The following NUP54 variants were observed in gnomAD, a reference collection of about 807,000 sequenced individuals.
The protein encoded by NUP54 is nucleoporin 54.
NUP54 carries 27 observed loss-of-function variants against 66.4 expected under a neutral mutation model. The observed-to-expected ratio is 0.41, with a 90% CI of 0.30 to 0.56. The LOEUF (loss-of-function observed/expected upper bound fraction) is 0.56, where lower values mean the gene tolerates loss of function less well. NUP54 is among the 20% of genes least tolerant of loss of function. The pLI, the probability that NUP54 is intolerant of heterozygous loss-of-function variation, is 0.34. For synonymous variants in NUP54, 206 were observed against 210.7 expected (o/e 0.98, Z 0.19); for missense variants, 486 against 596.3 (o/e 0.82, Z 1.93).
chr4:76,121,711 A>C (rs1279392049), intron 9 of NUP54, among the ~76,000 whole-genome samples: 1 of 152,218 alleles, frequency 6.6e-6, no homozygotes, highest in Non-Finnish European at 1.5e-5. Flanking sequence ...AATATAGTTT[A>C]TCTATTTGTA....
chr4:76,139,043 G>GA (rs555606795), intron 3 of NUP54, among the ~76,000 whole-genome samples: 4 of 151,728 alleles, frequency 2.6e-5, no homozygotes, highest in African/African-American at 4.8e-5. Flanking sequence ...CCATTAAAAA[G>GA]AAAAAAAATT....
chr4:76,129,436 G>C (rs889941377), intron 8 of NUP54, among the ~76,000 whole-genome samples: 4 of 152,086 alleles, frequency 2.6e-5, no homozygotes, highest in African/African-American at 9.7e-5. Flanking sequence ...TCTCAAACTA[G>C]CAGACAGAAA....
intron 11 of NUP54, among the ~76,000 whole-genome samples, 174 bp downstream of exon 11, chr4:76,117,490 C>T (rs11944608): frequency 0.19 from 28,255 of 152,066 alleles, 2,700 homozygotes; most frequent in East Asian, 0.36. Context: ...TTTGAGTAAA[C>T]ACTACACTGT....
chr4:76,146,197 T>C (rs1325502262), intron 1 of NUP54: 2 of 369,078 alleles, frequency 5.4e-6, no homozygotes, highest in Non-Finnish European at 1.1e-5. Context: ...TTAACACATA[T>C]AAAAGTAGTT....
At chr4:76,132,809 G>GCA in intron 5 of NUP54, 90 bp from the exon 6 acceptor site, 1 of 940,594 alleles carries the variant, frequency 1.1e-6, no homozygotes, top group Non-Finnish European at 1.6e-6. Context: ...TTTCAGAAGG[G>GCA]TTTAAGTTGA....
intron 8 of NUP54, among the ~76,000 whole-genome samples, chr4:76,126,875 GT>G: frequency 6.6e-6 from 1 of 152,060 alleles, no homozygotes; most frequent in South Asian, 2.1e-4. Context: ...TGATTCTAAA[GT>G]TTTTATGGAA....
intron 1 of NUP54, chr4:76,146,104 T>C (rs1731487512): frequency 4.4e-6 from 2 of 450,928 alleles, no homozygotes; most frequent in Non-Finnish European, 8.9e-6. Context: ...CTCCACAACA[T>C]CAAAAATGTT....
At chr4:76,119,125 G>T (rs1730110576) in intron 9 of NUP54, among the ~76,000 whole-genome samples, 1 of 152,128 alleles carries the variant, frequency 6.6e-6, no homozygotes, top group Non-Finnish European at 1.5e-5. Flanking sequence ...CTTTAAAGAT[G>T]AGTTTATAAT....
rs1729898317 is a variant in NUP54, at chr4:76,115,272, C to A, written c.*94G>T. The A allele has an allele frequency of 2.6e-6, 3 of 1,148,652 alleles. No homozygotes were observed. Among genetic ancestry groups the A allele is most frequent in the Non-Finnish European group, 3.5e-6 (3 of 860,678 alleles). The allele number at this position is 1,148,652 out of a possible 1,614,324, so 71.2% of individuals were successfully genotyped here. ...AACCAATCCAAGAAAGAATTGTTTT[C>A]TTTTTCCCTCCATGTGGTCGGTTTC... On this transcript the variant is annotated 3_prime_UTR_variant, in exon 12 of 12. Coordinates refer to ENST00000264883, the MANE Select transcript of NUP54 (RefSeq NM_017426.4).
intron 3 of NUP54, among the ~76,000 whole-genome samples, chr4:76,137,858 G>C (rs2109897733): frequency 6.6e-6 from 1 of 152,190 alleles, no homozygotes. Flanking sequence ...TAGAGCAAAT[G>C]ATACTAATTT....
intron 3 of NUP54, among the ~76,000 whole-genome samples, chr4:76,142,207 T>C (rs992233430): frequency 6.6e-6 from 1 of 152,260 alleles, no homozygotes; most frequent in African/African-American, 2.4e-5. Flanking sequence ...ACTTCACTTT[T>C]GCTGTTCTTT....
chr4:76,118,005 G>A, intron 10 of NUP54, 70 bp downstream of exon 10: 1 of 1,491,984 alleles, frequency 6.7e-7, no homozygotes, highest in Non-Finnish European at 9.2e-7. Flanking sequence ...CCTGCTTGAA[G>A]ATTACATAAC....
chr4:76,123,495 C>T (rs1485098439), intron 9 of NUP54, among the ~76,000 whole-genome samples: 2 of 152,044 alleles, frequency 1.3e-5, no homozygotes, highest in African/African-American at 4.8e-5. Context: ...CCCTAAAGTA[C>T]ATGCAGCATC....
intron 11 of NUP54, among the ~76,000 whole-genome samples, chr4:76,115,818 A>G (rs1435142694): frequency 2.0e-5 from 3 of 152,250 alleles, no homozygotes; most frequent in African/African-American, 7.2e-5. Flanking sequence ...GTATTCAAAT[A>G]TAGATGACTA....
intron 8 of NUP54, among the ~76,000 whole-genome samples, chr4:76,129,726 G>T (rs371768013): frequency 2.0e-5 from 3 of 151,828 alleles, no homozygotes; most frequent in African/African-American, 7.2e-5. Flanking sequence ...TTAGCCGGGC[G>T]TGGTGGCAGG....
In NUP54 at chr4:76,114,698, G is replaced by C. The variant is rs1483124480; in HGVS notation, c.*668C>G. 1 of 152,128 alleles carries C rather than the reference G, an allele frequency of 6.6e-6. No individual in the cohort carries two copies. The highest frequency in any genetic ancestry group is 1.5e-5 in the Non-Finnish European group (1 of 67,996). 9.4% of individuals were successfully genotyped at this position (152,128 alleles called of 1,614,324 possible). A position where few individuals can be genotyped will look rare whatever the true frequency, so the allele number is the denominator to read the frequency against. On this transcript the variant is annotated 3_prime_UTR_variant, in exon 12 of 12. Transcript: ENST00000264883. Reference sequence around the variant, plus strand: ...TTACAAATTAAGAATTTATTTATAAGTTTTCATCTTTTTAGAAATAAAAAG... The same window carrying C: ...TTACAAATTAAGAATTTATTTATAACTTTTCATCTTTTTAGAAATAAAAAG...
At chr4:76,144,062 A>G in intron 3 of NUP54, 87 bp downstream of exon 3, 2 of 1,272,372 alleles carry the variant, frequency 1.6e-6, no homozygotes, top group African/African-American at 1.5e-5. Flanking sequence ...TCTTATAAAA[A>G]GTCCACTAAA....
At chr4:76,140,034 G>A (rs1346028917) in intron 3 of NUP54, among the ~76,000 whole-genome samples, 2 of 152,154 alleles carry the variant, frequency 1.3e-5, no homozygotes, top group African/African-American at 4.8e-5. Context: ...GATTAAAGTA[G>A]TTTTGTTGTT....
intron 11 of NUP54, 68 bp downstream of exon 11, chr4:76,117,596 T>C (rs532597994): frequency 2.6e-4 from 237 of 906,934 alleles, no homozygotes; most frequent in Non-Finnish European, 4.1e-4. Context: ...ATTAGGATAA[T>C]AGCCATCCTA....
Sources: gnomAD v4.1 joint callset for allele counts (sites outside exome capture counted in the v4.1 genomes callset) on GRCh38, gnomAD v4.1.1 for gene constraint, MANE v1.5 for transcripts, NCBI Gene and HGNC (gene_info 2026-07-23, HGNC 2026-07-21) for gene names.